Variants in EEPD1 observed in about 807,000 individuals in gnomAD.
The protein encoded by EEPD1 is endonuclease/exonuclease/phosphatase family domain containing 1.
Under a neutral mutation model 46.3 loss-of-function variants are expected in EEPD1, and 17 were observed. The observed-to-expected ratio is 0.37, with a 90% CI of 0.25 to 0.55. EEPD1 has a LOEUF of 0.55. Among genes scored for constraint, EEPD1 ranks in the 20% least tolerant of loss-of-function variants. EEPD1 has a pLI of 0.83. For synonymous variants in EEPD1, 313 were observed against 315.6 expected (o/e 0.99, Z 0.09); for missense variants, 673 against 745.6 (o/e 0.90, Z 1.13).
At chr7:36,221,753 CTG>C (rs1177034325) in intron 2 of EEPD1, among the ~76,000 whole-genome samples, 3 of 152,168 alleles carry the variant, frequency 2.0e-5, no homozygotes, top group Admixed American at 2.0e-4. Flanking sequence ...AATATAATAA[CTG>C]TCATTTATGG....
intron 2 of EEPD1, among the ~76,000 whole-genome samples, chr7:36,227,240 A>C (rs915242236): frequency 6.6e-6 from 1 of 152,244 alleles, no homozygotes. Context: ...TGGAATAAAA[A>C]ACTTGGGCAC....
chr7:36,159,760 C>T (rs1434091560), intron 2 of EEPD1, among the ~76,000 whole-genome samples: 1 of 152,164 alleles, frequency 6.6e-6, no homozygotes, highest in Non-Finnish European at 1.5e-5. Flanking sequence ...TTTTGTTCCT[C>T]TAAAGGATGG....
chr7:36,186,539 A>G (rs942352705), intron 2 of EEPD1, among the ~76,000 whole-genome samples: 4 of 152,206 alleles, frequency 2.6e-5, no homozygotes, highest in Non-Finnish European at 4.4e-5. Context: ...ACATTCTCCT[A>G]TATAGTCATC....
At chr7:36,220,864 A>G (rs945970740) in intron 2 of EEPD1, among the ~76,000 whole-genome samples, 2 of 152,112 alleles carry the variant, frequency 1.3e-5, no homozygotes, top group African/African-American at 4.8e-5. Context: ...CAGTGGTGCA[A>G]TCTCGGCTCA....
intron 3 of EEPD1, among the ~76,000 whole-genome samples, chr7:36,253,675 T>C (rs1344759970): frequency 1.3e-5 from 2 of 152,226 alleles, no homozygotes; most frequent in Non-Finnish European, 2.9e-5. Context: ...ATTGACTCTT[T>C]TATTATGATA....
chr7:36,263,184 T>G (rs1293906260), intron 3 of EEPD1, among the ~76,000 whole-genome samples: 2 of 151,942 alleles, frequency 1.3e-5, no homozygotes, highest in Non-Finnish European at 2.9e-5. Context: ...ATACAAAAAT[T>G]GGCCGGGTGT....
At chr7:36,194,529 A>G (rs1422116571) in intron 2 of EEPD1, among the ~76,000 whole-genome samples, 1 of 151,996 alleles carries the variant, frequency 6.6e-6, no homozygotes, top group African/African-American at 2.4e-5. Flanking sequence ...TTACCTCTGC[A>G]TTTCCCTTGT....
intron 2 of EEPD1, among the ~76,000 whole-genome samples, chr7:36,234,178 C>G (rs1377925166): frequency 6.6e-6 from 1 of 152,144 alleles, no homozygotes; most frequent in African/African-American, 2.4e-5. Flanking sequence ...CTTGTTCTCC[C>G]AAAGTGCTGG....
In EEPD1 at chr7:36,154,309, C is replaced by T; in HGVS notation, c.-16C>T. On this transcript the variant is annotated 5_prime_UTR_variant, in exon 2 of 8. Transcript: ENST00000242108. This position sits in a 1 kb window ranked among gnomAD's most constrained non-coding sequence, Gnocchi z 4.2. ...GCAGTGGTGCGGCCTTCCCGGGAGC[C>T]TGATCCTGGCGGACCATGGGGAGCA... 1 of 1,600,542 alleles carries T rather than the reference C, an allele frequency of 6.2e-7. No individual in the cohort carries two copies. Among genetic ancestry groups the T allele is most frequent in the Non-Finnish European group, 8.5e-7 (1 of 1,176,732 alleles).
In EEPD1 at chr7:36,235,599, G is replaced by T. The variant is rs77749100; in HGVS notation, c.879-3386G>T. ...TGGCTGTGAGTGCCTTCCAGGCAGG[G>T]AATGCCATAGCAATCATGGATCCTT... On this transcript the variant is annotated intron_variant, in intron 2 of 7. Transcript: ENST00000242108. Among the ~76,000 whole-genome samples the T allele has an allele frequency of 3.8e-3, 577 of 152,366 alleles. 5 individuals carry two copies. Among genetic ancestry groups the T allele is most frequent in the African/African-American group, 0.013 (548 of 41,584 alleles).
intron 7 of EEPD1, among the ~76,000 whole-genome samples, chr7:36,298,748 T>C (rs577590346): frequency 1.3e-5 from 2 of 152,354 alleles, no homozygotes; most frequent in South Asian, 4.1e-4. Flanking sequence ...CCCATGTGTG[T>C]CTGGATGGAC....
chr7:36,204,974 A>G (rs6960355), intron 2 of EEPD1, among the ~76,000 whole-genome samples: 91,444 of 152,090 alleles, frequency 0.6, 28,072 homozygotes, highest in East Asian at 0.87. Context: ...GAATCCTTAT[A>G]AGACAGGGCT....
intron 2 of EEPD1, among the ~76,000 whole-genome samples, chr7:36,173,610 C>A (rs1285575075): frequency 6.6e-6 from 1 of 152,294 alleles, no homozygotes; most frequent in East Asian, 1.9e-4. Flanking sequence ...GAGGCCTCCC[C>A]AGCCATGCAG....
chr7:36,212,494 A>G (rs971882537), intron 2 of EEPD1, among the ~76,000 whole-genome samples: 6 of 73,690 alleles, frequency 8.1e-5, no homozygotes, highest in African/African-American at 1.9e-4. Context: ...TATAGTACAT[A>G]TACACCAGAA....
At chr7:36,246,106 G>A (rs1197423586) in intron 3 of EEPD1, among the ~76,000 whole-genome samples, 1 of 152,224 alleles carries the variant, frequency 6.6e-6, no homozygotes, top group African/African-American at 2.4e-5. Context: ...GACCGTGGTA[G>A]GACCAGAGGG....
chr7:36,252,242 A>C (rs1439970444), intron 3 of EEPD1, among the ~76,000 whole-genome samples: 2 of 152,252 alleles, frequency 1.3e-5, no homozygotes, highest in African/African-American at 4.8e-5. Context: ...CATTTCAGTC[A>C]GACCTGAAGG....
chr7:36,172,617 GTTTTTTTT>G (rs70977113), intron 2 of EEPD1, among the ~76,000 whole-genome samples: 1 of 100,122 alleles, frequency 1.0e-5, no homozygotes, highest in East Asian at 3.7e-4. Flanking sequence ...AATATTATGA[GTTTTTTTT>G]TTTTTTTTTT....
chr7:36,206,109 T>C (rs77620582), intron 2 of EEPD1, among the ~76,000 whole-genome samples: 12,998 of 152,132 alleles, frequency 0.085, 848 homozygotes, highest in African/African-American at 0.18. Flanking sequence ...AAGGGCTTGA[T>C]TGAAGATTGA....
chr7:36,237,801 A>G (rs1170544783), intron 2 of EEPD1, among the ~76,000 whole-genome samples: 1 of 152,034 alleles, frequency 6.6e-6, no homozygotes, highest in Non-Finnish European at 1.5e-5. Flanking sequence ...AAATACAAAA[A>G]TTAGCTAGAT....
Sources: gnomAD v4.1 joint callset for allele counts (sites outside exome capture counted in the v4.1 genomes callset) on GRCh38, gnomAD v4.1.1 for gene constraint, Gnocchi (gnomAD v3.1) non-coding constraint, MANE v1.5 for transcripts, NCBI Gene and HGNC (gene_info 2026-07-23, HGNC 2026-07-21) for gene names.